The following MTUS2 variants were observed in gnomAD, a reference collection of about 807,000 sequenced individuals.
The protein encoded by MTUS2 is microtubule associated scaffold protein 2.
MTUS2 carries 40 observed loss-of-function variants against 114.1 expected under a neutral mutation model. That is an observed-to-expected ratio of 0.35 (90% CI 0.27 to 0.46). The LOEUF (loss-of-function observed/expected upper bound fraction) is 0.46, where lower values mean the gene tolerates loss of function less well. Ranked by LOEUF, MTUS2 falls within the 20% of genes least tolerant of loss-of-function variation. MTUS2 has a pLI of 1.00. For synonymous variants in MTUS2, 688 were observed against 672.0 expected (o/e 1.02, Z -0.37); for missense variants, 1,679 against 1,705.4 (o/e 0.98, Z 0.27).
chr13:29,241,548 G>A (rs949610318), intron 5 of MTUS2, among the ~76,000 whole-genome samples: 1 of 152,106 alleles, frequency 6.6e-6, no homozygotes, highest in Admixed American at 6.5e-5. Context: ...TCCCCCAGGT[G>A]GAATTGACAT....
intron 9 of MTUS2, among the ~76,000 whole-genome samples, chr13:29,459,763 A>G (rs1204752725): frequency 1.3e-5 from 2 of 152,182 alleles, no homozygotes; most frequent in Admixed American, 6.5e-5. Flanking sequence ...TCTATCATTC[A>G]TAGGTTAGCT....
intron 5 of MTUS2, among the ~76,000 whole-genome samples, chr13:29,101,834 T>A (rs1566009421): frequency 6.6e-6 from 1 of 152,210 alleles, no homozygotes; most frequent in Non-Finnish European, 1.5e-5. Flanking sequence ...ATCGATTGAT[T>A]TGTTATTTTG....
intron 2 of MTUS2, among the ~76,000 whole-genome samples, chr13:28,898,802 C>G (rs186102450): frequency 1.4e-3 from 214 of 152,154 alleles, no homozygotes; most frequent in African/African-American, 4.4e-3. Context: ...TAATGGGCTG[C>G]GAATTTTTGG....
intron 5 of MTUS2, among the ~76,000 whole-genome samples, chr13:29,126,796 C>T (rs766207939): frequency 2.6e-5 from 4 of 152,136 alleles, no homozygotes; most frequent in Non-Finnish European, 5.9e-5. Flanking sequence ...TGGGGTCCTG[C>T]GTCTCTACTC....
At chr13:29,298,938 C>A (rs918231036) in intron 6 of MTUS2, among the ~76,000 whole-genome samples, 13 of 152,134 alleles carry the variant, frequency 8.5e-5, no homozygotes, top group Admixed American at 7.2e-4. Flanking sequence ...CCTATGCTGA[C>A]CGTGGTCTCC....
chr13:28,951,375 A>T (rs1480117220), intron 2 of MTUS2, among the ~76,000 whole-genome samples: 1 of 152,178 alleles, frequency 6.6e-6, no homozygotes, highest in Non-Finnish European at 1.5e-5. Context: ...AATTTCTTTC[A>T]GCAACATTTT....
intron 7 of MTUS2, among the ~76,000 whole-genome samples, chr13:29,355,541 G>C (rs1869664858): frequency 6.6e-6 from 1 of 152,224 alleles, no homozygotes; most frequent in East Asian, 1.9e-4. Context: ...AAGACCAACA[G>C]CCAGGCCTGG....
chr13:29,311,905 G>A (rs1025496701), intron 6 of MTUS2, among the ~76,000 whole-genome samples: 4 of 152,134 alleles, frequency 2.6e-5, no homozygotes, highest in African/African-American at 4.8e-5. Context: ...ATTTGCCTTG[G>A]TCTAGTGAAG....
chr13:29,016,576 A>G (rs1593385708), intron 2 of MTUS2, among the ~76,000 whole-genome samples: 2 of 152,070 alleles, frequency 1.3e-5, no homozygotes, highest in African/African-American at 2.4e-5. Flanking sequence ...TTATGTATAT[A>G]TTCTTCTTTA....
At chr13:28,873,837 A>G (rs1305293470) in intron 2 of MTUS2, among the ~76,000 whole-genome samples, 2 of 152,234 alleles carry the variant, frequency 1.3e-5, no homozygotes, top group Non-Finnish European at 2.9e-5. Flanking sequence ...GGCTTTTGGG[A>G]AAATTGATTA....
chr13:29,082,855 A>G (rs905013752), intron 4 of MTUS2, among the ~76,000 whole-genome samples: 2 of 152,134 alleles, frequency 1.3e-5, no homozygotes, highest in Non-Finnish European at 2.9e-5. Flanking sequence ...TATAGCCATT[A>G]TAAGTGGTCT....
chr13:28,984,631 C>T lies in MTUS2; in HGVS notation c.-242-39826C>T, dbSNP rs1016448937. On this transcript the variant is annotated intron_variant, in intron 2 of 15. Coordinates refer to ENST00000612955, the MANE Select transcript of MTUS2 (RefSeq NM_001033602.4). ...GATGGAGCTGTATTTGGGCTCTTTTCGAACCCCTATGACGTAATTTGTCAA... is the reference window on the plus strand; with the variant it reads ...GATGGAGCTGTATTTGGGCTCTTTTTGAACCCCTATGACGTAATTTGTCAA... 3.3e-5 allele frequency among the ~76,000 whole-genome samples: 5 copies of T among 152,176 alleles called. No individual in the cohort carries two copies. The East Asian group carries it at 5.8e-4, about 18-fold the overall frequency.
chr13:29,501,060 C>G (rs762178370), intron 14 of MTUS2, 37 bp from the exon 15 acceptor site: 51 of 1,569,858 alleles, frequency 3.2e-5, no homozygotes, highest in African/African-American at 2.2e-4. Context: ...GATTTTATGG[C>G]CTTGCTAGAA....
At chr13:28,966,724 C>CAA (rs10597818) in intron 2 of MTUS2, among the ~76,000 whole-genome samples, 4,164 of 82,044 alleles carry the variant, frequency 0.051, 214 homozygotes, top group Non-Finnish European at 0.063. Flanking sequence ...GACCCTGTCT[C>CAA]AAAAAAAAAA....
At chr13:29,307,671 G>A (rs1336313555) in intron 6 of MTUS2, 2 of 1,128,372 alleles carry the variant, frequency 1.8e-6, no homozygotes, top group African/African-American at 3.0e-5. Flanking sequence ...TCGACGCTGG[G>A]GCTAGCATTG....
At chr13:28,838,936 G>A (rs1366795306) in intron 1 of MTUS2, among the ~76,000 whole-genome samples, 1 of 152,010 alleles carries the variant, frequency 6.6e-6, no homozygotes, top group East Asian at 1.9e-4. Context: ...GAAAAATGAT[G>A]TATGTTGAGC....
In MTUS2 at chr13:29,415,981, C is replaced by T. The variant is rs181844340; in HGVS notation, c.3118-24002C>T. On this transcript the variant is annotated intron_variant, in intron 8 of 15. Transcript: ENST00000612955. The stretch of plus-strand genomic sequence containing the variant: ...TCTTGTCACCCAGGCTGGAGTGACA[C>T]GATCTCAGCTTACTGCAACCTCTGC... Among the ~76,000 whole-genome samples, 7 of 151,988 alleles carry T rather than the reference C, an allele frequency of 4.6e-5. No homozygotes were observed. The East Asian group carries it at 5.8e-4, about 13-fold the overall frequency.
chr13:28,848,681 A>G (rs1226402534), intron 2 of MTUS2, among the ~76,000 whole-genome samples: 1 of 152,102 alleles, frequency 6.6e-6, no homozygotes, highest in Non-Finnish European at 1.5e-5. Context: ...TATAATAATA[A>G]TTGATATTTC....
At chr13:29,179,705 T>C (rs1458076594) in intron 5 of MTUS2, among the ~76,000 whole-genome samples, 2 of 152,220 alleles carry the variant, frequency 1.3e-5, no homozygotes, top group Non-Finnish European at 2.9e-5. Context: ...GAAAATACAT[T>C]TGGTGTGCAA....
Sources: gnomAD v4.1 joint callset for allele counts (sites outside exome capture counted in the v4.1 genomes callset) on GRCh38, gnomAD v4.1.1 for gene constraint, MANE v1.5 for transcripts, NCBI Gene and HGNC (gene_info 2026-07-23, HGNC 2026-07-21) for gene names.